The following ZNF770 variants were observed in gnomAD, a reference collection of about 807,000 sequenced individuals.
ZNF770 encodes the protein zinc finger protein 770.
In ZNF770, 13 loss-of-function variants were observed where a neutral mutation model predicts 44.8. The ratio of observed to expected loss-of-function variants is 0.29; its 90% CI spans 0.19 to 0.46. The LOEUF is 0.46. Among genes scored for constraint, ZNF770 ranks in the 20% least tolerant of loss-of-function variants. The probability of loss-of-function intolerance (pLI) is 1.00; values close to 1 mark genes in which losing one functional copy is unlikely to be tolerated. For missense variants in ZNF770, 681 were observed against 797.9 expected, an observed-to-expected ratio of 0.85 and a Z score of 1.77; for synonymous variants, 304 against 271.8, an observed-to-expected ratio of 1.12 and a Z score of -1.17.
chr15:34,984,856 A>G (rs1439717823), intron 2 of ZNF770, among the ~76,000 whole-genome samples: 2 of 151,440 alleles, frequency 1.3e-5, no homozygotes, highest in Admixed American at 6.6e-5. Flanking sequence ...AAACTGGCCC[A>G]GTGCAGTGGC....
In ZNF770 at chr15:34,983,298, T is replaced by A. The variant is rs375142983; in HGVS notation, c.137A>T (p.Tyr46Phe). 1.2e-6 allele frequency: 2 copies of A among 1,613,546 alleles called. No individual in the cohort carries two copies. The highest frequency in any genetic ancestry group is 2.2e-5 in the South Asian group (2 of 91,034). Residue 46 changes from tyrosine (Y) to phenylalanine (F), a missense_variant, in exon 3 of 3, where the codon TAT (tyrosine) becomes TTT (phenylalanine). This residue lies in a region of ZNF770 where 65 missense variants were observed against 115.0 expected (regional missense o/e 0.57). Transcript: ENST00000356321. The stretch of plus-strand genomic sequence containing the variant: ...TGGCTTTTGACCAGTATGAATGAGA[T>A]AGTGCCTAGCTAATTTTGATGGTGT... ...FETPSKLARH[Y>F]LIHTGQKPFE...
chr15:34,981,312 T>C lies in ZNF770; in HGVS notation c.*47A>G, dbSNP rs369914733. 1.3e-6 allele frequency: 2 copies of C among 1,519,288 alleles called. No individual in the cohort carries two copies. The highest frequency in any genetic ancestry group is 1.8e-6 in the Non-Finnish European group (2 of 1,142,522). 94.1% of individuals were successfully genotyped at this position (1,519,288 alleles called of 1,614,324 possible). ...AATGCATTTTAAATAATACAGGCTT[T>C]AAAAATAAGATCACCAGAGACCACA... On this transcript the variant is annotated 3_prime_UTR_variant, in exon 3 of 3. Coordinates refer to ENST00000356321, the MANE Select transcript of ZNF770 (RefSeq NM_014106.4).
In ZNF770 at chr15:34,982,764, C is replaced by G; in HGVS notation, c.671G>C (p.Gly224Ala). 1.9e-6 allele frequency: 3 copies of G among 1,613,904 alleles called. No homozygotes were observed. Among genetic ancestry groups the G allele is most frequent in the Non-Finnish European group, 2.5e-6 (3 of 1,179,974 alleles). The change falls in exon 3 of 3, where the codon GGA becomes GCA. Residue 224 changes from glycine (G) to alanine (A), a missense_variant. Gly to Ala is a moderately conservative substitution (Grantham distance 60). Coordinates refer to ENST00000356321, the MANE Select transcript of ZNF770 (RefSeq NM_014106.4). ...CAGAAGTTTGCTTTGAATCTTAAAT[C>G]CTTTTTGACAAAAACAACATTGAAA... The part of the protein sequence containing the change: ...RPFQCCFCQK[G>A]FKIQSKLLKH...
chr15:34,983,077 C>A lies in ZNF770; in HGVS notation c.358G>T (p.Ala120Ser). 1 of 1,614,024 alleles carries A rather than the reference C, an allele frequency of 6.2e-7. No homozygotes were observed. The highest frequency in any genetic ancestry group is 1.1e-5 in the South Asian group (1 of 91,074). The change falls in exon 3 of 3, where the codon GCC (alanine) becomes TCC (serine). Residue 120 changes from alanine (A) to serine (S), a missense_variant. Physicochemically the swap from Ala to Ser is moderately conservative, Grantham distance 99. This residue lies in a region of ZNF770 where 432 missense variants were observed against 434.1 expected (regional missense o/e 1.00). Coordinates refer to ENST00000356321, the MANE Select transcript of ZNF770 (RefSeq NM_014106.4). The part of the protein sequence containing the change: ...NVKQVRRLLE[A>S]KQEKSMYGVY... ...CCATACATTGACTTTTCTTGCTTGG[C>A]CTCCAGCAATCTTCTGACCTGTTTA...
chr15:34,981,299 A>G lies in ZNF770; in HGVS notation c.*60T>C. ...GCCTTTCAATAAAAATGCATTTTAA[A>G]TAATACAGGCTTTAAAAATAAGATC... On this transcript the variant is annotated 3_prime_UTR_variant, in exon 3 of 3. Transcript: ENST00000356321. 6.8e-7 allele frequency: 1 copy of G among 1,472,748 alleles called. No homozygotes were observed. The highest frequency in any genetic ancestry group is 2.4e-5 in the East Asian group (1 of 42,044). 91.2% of individuals were successfully genotyped at this position (1,472,748 alleles called of 1,614,324 possible).
chr15:34,986,898 C>T (rs1380294986), intron 2 of ZNF770, among the ~76,000 whole-genome samples: 3 of 152,214 alleles, frequency 2.0e-5, no homozygotes, highest in African/African-American at 4.8e-5. Context: ...AGGGGCAGGG[C>T]AAGTCCTTGA....
At position 34,980,345 on chromosome 15, in the gene ZNF770, A is replaced by C. The variant is rs2140519132; in HGVS notation, c.*1014T>G. 6.6e-6 allele frequency: 1 copy of C among 152,364 alleles called. No homozygotes were observed. The highest frequency in any genetic ancestry group is 2.1e-4 in the South Asian group (1 of 4,832). The allele number at this position is 152,364 out of a possible 1,614,324, so 9.4% of individuals were successfully genotyped here. The stretch of plus-strand genomic sequence containing the variant: ...TGGCACTTAGAAAATATTCCTGGTA[A>C]GTAAACATGGTAAATATAGGTACAT... On this transcript the variant is annotated 3_prime_UTR_variant, in exon 3 of 3. Transcript: ENST00000356321.
intron 2 of ZNF770, among the ~76,000 whole-genome samples, chr15:34,985,702 TGGCCAACATG>T (rs921925551): frequency 1.4e-3 from 219 of 152,194 alleles, no homozygotes; most frequent in Admixed American, 2.7e-3. Context: ...GAGGCTAGCC[TGGCCAACATG>T]GTGAAACCCT....
At position 34,984,649 on chromosome 15, in the gene ZNF770, C is replaced by CAA. The variant is rs77322907; in HGVS notation, c.-56-1161_-56-1160dup. On this transcript the variant is annotated intron_variant, in intron 2 of 2. Transcript: ENST00000356321. ...ATCCAGCCTGGGTGAGAATCCATCTCAAAAAAAAAAAAAAAATTCTCCTTT... is the reference window on the plus strand; with the variant it reads ...ATCCAGCCTGGGTGAGAATCCATCTCAAAAAAAAAAAAAAAAAATTCTCCTTT... Among the ~76,000 whole-genome samples the CAA allele has an allele frequency of 1.4e-3, 165 of 117,628 alleles. 1 individual carries two copies. Among genetic ancestry groups the CAA allele is most frequent in the African/African-American group, 4.2e-3 (130 of 31,210 alleles). The allele number at this position is 117,628 out of a possible 152,430, so 77.2% of individuals were successfully genotyped here.
chr15:34,982,400 A>T lies in ZNF770; in HGVS notation c.1035T>A (p.Arg345=). 1 of 1,612,868 alleles carries T rather than the reference A, an allele frequency of 6.2e-7. No homozygotes were observed. Among genetic ancestry groups the T allele is most frequent in the Non-Finnish European group, 8.5e-7 (1 of 1,179,388 alleles). Residue 345 remains arginine, a synonymous_variant, in exon 3 of 3, where the codon CGT becomes CGA. Transcript: ENST00000356321. ...AGTTATCTAATTTTTTACTCCTAGC[A>T]CGCTTAAGCTTGGCCAAGATTTTTT... ...IVKKILAKLK[R]ARSKKLDNFQ... is the part of the protein sequence containing the mutation.
In ZNF770 at chr15:34,979,663, C is replaced by T. The variant is rs1419249613; in HGVS notation, c.*1696G>A. On this transcript the variant is annotated 3_prime_UTR_variant, in exon 3 of 3. Coordinates refer to ENST00000356321, the MANE Select transcript of ZNF770 (RefSeq NM_014106.4). ...GATCACCCCCACCTACTATCCCTCC[C>T]GCCTCCCCCCTGTCAAAAGAAAGTT... The T allele has an allele frequency of 1.6e-5, 7 of 448,790 alleles. No homozygotes were observed. Among genetic ancestry groups the T allele is most frequent in the Middle Eastern group, 3.3e-4 (1 of 3,058 alleles). 27.8% of individuals were successfully genotyped at this position (448,790 alleles called of 1,614,324 possible).
At chr15:34,985,802 G>A (rs202217998) in intron 2 of ZNF770, among the ~76,000 whole-genome samples, 2 of 152,036 alleles carry the variant, frequency 1.3e-5, no homozygotes, top group East Asian at 3.9e-4. Flanking sequence ...GCTGAGTCAG[G>A]AGAATTGCTT....
In ZNF770 at chr15:34,979,689, C is replaced by G. The variant is rs527320697; in HGVS notation, c.*1670G>C. Reference sequence around the variant, plus strand: ...GCCTCCCCCCTGTCAAAAGAAAGTTCTCAGTTTATGATGCAAAACTTACAA... The same window carrying G: ...GCCTCCCCCCTGTCAAAAGAAAGTTGTCAGTTTATGATGCAAAACTTACAA... On this transcript the variant is annotated 3_prime_UTR_variant, in exon 3 of 3. Coordinates refer to ENST00000356321, the MANE Select transcript of ZNF770 (RefSeq NM_014106.4). 1.7e-4 allele frequency: 76 copies of G among 447,492 alleles called. No individual in the cohort carries two copies. Among genetic ancestry groups the G allele is most frequent in the African/African-American group, 1.5e-3 (72 of 49,500 alleles). The allele number at this position is 447,492 out of a possible 1,614,324, so 27.7% of individuals were successfully genotyped here.
In ZNF770 at chr15:34,982,250, A is replaced by G. The variant is rs1458212692; in HGVS notation, c.1185T>C (p.Tyr395=). The G allele has an allele frequency of 1.1e-5, 17 of 1,613,784 alleles. No homozygotes were observed. Among genetic ancestry groups the G allele is most frequent in the Middle Eastern group, 1.7e-4 (1 of 6,054 alleles). ...FVGSLGKHGT[Y]KTIGNRKKKT... is the part of the protein sequence containing the mutation. Reference sequence around the variant, plus strand: ...TCTTCTTTCTATTGCCAATTGTTTTATATGTTCCATGTTTGCCAAGAGAAC... The same window carrying G: ...TCTTCTTTCTATTGCCAATTGTTTTGTATGTTCCATGTTTGCCAAGAGAAC... The change falls in exon 3 of 3, where the codon TAT becomes TAC. Residue 395 remains tyrosine (Y), a synonymous_variant. Coordinates refer to ENST00000356321, the MANE Select transcript of ZNF770 (RefSeq NM_014106.4).
Position 34,981,694 on chromosome 15 carries a change from T to C in ZNF770, c.1741A>G (p.Lys581Glu). ...VSESDQMSGV[K>E]AESQDFIPGS... is the part of the protein sequence containing the mutation. ...GGAATAAAATCCTGTGACTCTGCCTTAACTCCTGACATTTGATCTGACTCT... is the reference window on the plus strand; with the variant it reads ...GGAATAAAATCCTGTGACTCTGCCTCAACTCCTGACATTTGATCTGACTCT... The change falls in exon 3 of 3, where the codon AAG becomes GAG. Residue 581 changes from lysine (K) to glutamate (E), a missense_variant. Physicochemically the swap from Lys to Glu is moderately conservative, Grantham distance 56. Transcript: ENST00000356321. 1 of 1,614,082 alleles carries C rather than the reference T, an allele frequency of 6.2e-7. No individual in the cohort carries two copies. The highest frequency in any genetic ancestry group is 8.5e-7 in the Non-Finnish European group (1 of 1,180,024).
In ZNF770 at chr15:34,983,318, T is replaced by C; in HGVS notation, c.117A>G (p.Pro39=). 2 of 1,613,414 alleles carry C rather than the reference T, an allele frequency of 1.2e-6. No individual in the cohort carries two copies. Among genetic ancestry groups the C allele is most frequent in the African/African-American group, 1.3e-5 (1 of 75,044 alleles). Residue 39 remains proline, a synonymous_variant, in exon 3 of 3, where the codon CCA becomes CCG. Coordinates refer to ENST00000356321, the MANE Select transcript of ZNF770 (RefSeq NM_014106.4). Reference sequence around the variant, plus strand: ...TGAGATAGTGCCTAGCTAATTTTGATGGTGTTTCAAAGTGCTTAAAACAAA... The same window carrying C: ...TGAGATAGTGCCTAGCTAATTTTGACGGTGTTTCAAAGTGCTTAAAACAAA... ...CNICFKHFET[P]SKLARHYLIH...
At position 34,979,625 on chromosome 15, in the gene ZNF770, A is replaced by C; in HGVS notation, c.*1734T>G. 1 of 451,452 alleles carries C rather than the reference A, an allele frequency of 2.2e-6. No individual in the cohort carries two copies. The highest frequency in any genetic ancestry group is 4.4e-6 in the Non-Finnish European group (1 of 225,200). The allele number at this position is 451,452 out of a possible 1,614,324, so 28.0% of individuals were successfully genotyped here. The stretch of plus-strand genomic sequence containing the variant: ...AGTTACTTAAAAATCACCTGTGGTA[A>C]AAGAAGCAAGCAGATCACCCCCACC... On this transcript the variant is annotated 3_prime_UTR_variant, in exon 3 of 3. Transcript: ENST00000356321.
rs979444186 is a variant in ZNF770 at position 34,982,084 on chromosome 15, A to C, written c.1351T>G (p.Phe451Val). Residue 451 changes from phenylalanine to valine, a missense_variant, in exon 3 of 3, where the codon TTT becomes GTT. By Grantham distance (50) the Phe-to-Val change is conservative (BLOSUM62 -1). Coordinates refer to ENST00000356321, the MANE Select transcript of ZNF770 (RefSeq NM_014106.4). ...SICGSSGEEFFNNCEVLQCGF... is the reference protein window; with the variant it reads ...SICGSSGEEFVNNCEVLQCGF... ...CACTGAAGTACCTCACAGTTATTAA[A>C]GAATTCCTCACCTGATGAACCACAG... 2 of 1,613,790 alleles carry C rather than the reference A, an allele frequency of 1.2e-6. No homozygotes were observed. The highest frequency in any genetic ancestry group is 2.7e-5 in the African/African-American group (2 of 74,948).
chr15:34,985,918 A>G (rs2050431359), intron 2 of ZNF770, among the ~76,000 whole-genome samples: 1 of 152,104 alleles, frequency 6.6e-6, no homozygotes, highest in African/African-American at 2.4e-5. Context: ...ATAAATACAT[A>G]AATAAAAATA....
Sources: allele counts gnomAD v4.1 joint callset (sites outside exome capture counted in the v4.1 genomes callset), GRCh38; gene constraint gnomAD v4.1.1; regional missense constraint gnomAD v4.1.1; transcripts MANE v1.5; gene names NCBI Gene and HGNC (gene_info 2026-07-23, HGNC 2026-07-21).